RAD21: variants seen among roughly 807,000 people sequenced by gnomAD.
RAD21 encodes the protein double-strand-break repair protein rad21 homolog.
Under a neutral mutation model 71.5 loss-of-function variants are expected in RAD21, and 18 were observed. The observed-to-expected ratio is 0.25, with a 90% CI of 0.17 to 0.37. RAD21 has a LOEUF of 0.37. Among genes scored for constraint, RAD21 ranks in the 10% least tolerant of loss-of-function variants. The pLI, the probability that RAD21 is intolerant of heterozygous loss-of-function variation, is 1.00. For synonymous variants in RAD21, 248 were observed against 254.0 expected (o/e 0.98, Z 0.22); for missense variants, 493 against 769.1 (o/e 0.64, Z 4.25).
chr8:116,857,581 G>A (rs1295314411), intron 5 of RAD21, 108 bp from the exon 6 acceptor site: 1 of 936,250 alleles, frequency 1.1e-6, no homozygotes, highest in Non-Finnish European at 1.6e-6. Flanking sequence ...GCTTACTGAA[G>A]TCTTACTTCA....
At position 116,867,894 on chromosome 8, in the gene RAD21, C is replaced by A. The variant is rs145018858; in HGVS notation, c.-32-1133G>T. On this transcript the variant is annotated intron_variant, in intron 1 of 13. Transcript: ENST00000297338. ...TTCAATGTGTCTACAGACTTTTATA[C>A]CATTTTGTCACATATGCAGATGTGT... 2.3e-3 allele frequency among the ~76,000 whole-genome samples: 344 copies of A among 152,250 alleles called. 1 individual carries two copies. Among genetic ancestry groups the A allele is most frequent in the African/African-American group, 8.0e-3 (333 of 41,528 alleles).
chr8:116,854,223 A>G (rs1177030285), intron 9 of RAD21, 22 bp downstream of exon 9: 10 of 1,558,170 alleles, frequency 6.4e-6, no homozygotes, highest in Non-Finnish European at 8.8e-6. Context: ...ATATGAAGTA[A>G]AAATTCTGCA....
intron 5 of RAD21, among the ~76,000 whole-genome samples, chr8:116,857,998 T>A (rs917452854): frequency 6.6e-6 from 1 of 152,194 alleles, no homozygotes; most frequent in East Asian, 1.9e-4. Flanking sequence ...AAAAACAATA[T>A]GCCTTGCTAA....
chr8:116,863,305 C>A, intron 2 of RAD21, 46 bp from the exon 3 acceptor site: 1 of 1,559,376 alleles, frequency 6.4e-7, no homozygotes, highest in South Asian at 1.2e-5. Context: ...CATTTCGTGC[C>A]ATTCATAGTC....
At chr8:116,867,364 A>G (rs1022029126) in intron 1 of RAD21, among the ~76,000 whole-genome samples, 2 of 152,212 alleles carry the variant, frequency 1.3e-5, no homozygotes, top group Non-Finnish European at 2.9e-5. Context: ...TAACTTAAGA[A>G]CTTACAAAGC....
At chr8:116,848,892 CAATGGCA>C (rs1247555201) in intron 13 of RAD21, 47 bp downstream of exon 13, 6 of 1,446,494 alleles carry the variant, frequency 4.1e-6, no homozygotes, top group Non-Finnish European at 4.7e-6. Flanking sequence ...TTTCAGGGAA[CAATGGCA>C]AAAGCCTTTG....
In RAD21 at chr8:116,861,843, T is replaced by C. The variant is rs2130477230; in HGVS notation, c.372A>G (p.Leu124=). Residue 124 remains leucine, a splice_region_variant and synonymous_variant, in exon 4 of 14, where the codon TTA becomes TTG. Transcript: ENST00000297338. ...FHDFDQPLPD[L]DDIDVAQQFS... is the part of the protein sequence containing the mutation. The stretch of plus-strand genomic sequence containing the variant: ...TTTTTTTAAAAGAAGACACATACTC[T>C]AAGTCAGGCAGTGGCTGATCAAAGT... 1 of 1,605,490 alleles carries C rather than the reference T, an allele frequency of 6.2e-7. No individual in the cohort carries two copies. Among genetic ancestry groups the C allele is most frequent in the South Asian group, 1.1e-5 (1 of 90,904 alleles).
At chr8:116,870,079 A>C (rs1484043470) in intron 1 of RAD21, among the ~76,000 whole-genome samples, 1 of 152,212 alleles carries the variant, frequency 6.6e-6, no homozygotes, top group Admixed American at 6.5e-5. Flanking sequence ...CCATCACTTA[A>C]GAGTAAAGAG....
intron 4 of RAD21, 103 bp from the exon 5 acceptor site, chr8:116,858,561 CCCA>C: frequency 1.2e-6 from 1 of 811,600 alleles, no homozygotes; most frequent in Non-Finnish European, 1.9e-6. Flanking sequence ...ATATGTATAA[CCCA>C]CCAAGTTTTA....
intron 6 of RAD21, 106 bp downstream of exon 6, chr8:116,857,160 AT>A: frequency 1.1e-6 from 1 of 915,828 alleles, no homozygotes; most frequent in Non-Finnish European, 1.7e-6. Context: ...ATTCACTCAT[AT>A]ATATCTAAAA....
In RAD21 at chr8:116,846,029, C is replaced by T. The variant is rs1812247602; in HGVS notation, c.*1471G>A. 2 of 230,602 alleles carry T rather than the reference C, an allele frequency of 8.7e-6. No homozygotes were observed. Among genetic ancestry groups the T allele is most frequent in the Non-Finnish European group, 1.7e-5 (2 of 116,286 alleles). The allele number at this position is 230,602 out of a possible 1,614,324, so 14.3% of individuals were successfully genotyped here. Reference sequence around the variant, plus strand: ...ATTAAACCCGATAAGCAACAAAAACCAGACTAACAAAATGTGTAACAAGAA... The same window carrying T: ...ATTAAACCCGATAAGCAACAAAAACTAGACTAACAAAATGTGTAACAAGAA... On this transcript the variant is annotated 3_prime_UTR_variant, in exon 14 of 14. Coordinates refer to ENST00000297338, the MANE Select transcript of RAD21 (RefSeq NM_006265.3).
At chr8:116,873,145 C>G (rs1431899958) in intron 1 of RAD21, among the ~76,000 whole-genome samples, 1 of 152,192 alleles carries the variant, frequency 6.6e-6, no homozygotes, top group Non-Finnish European at 1.5e-5. Flanking sequence ...ACTAAAAACA[C>G]AACCTTATTT....
rs1425770330 is a variant in RAD21 at position 116,845,947 on chromosome 8, A to G, written c.*1553T>C. On this transcript the variant is annotated 3_prime_UTR_variant, in exon 14 of 14. Transcript: ENST00000297338. ...TACTCAAAAAAGTACAGCTTATAACACAACTTTTATTAGAAAAGTTATACA... is the reference window on the plus strand; with the variant it reads ...TACTCAAAAAAGTACAGCTTATAACGCAACTTTTATTAGAAAAGTTATACA... The G allele has an allele frequency of 4.5e-6, 1 of 223,706 alleles. No homozygotes were observed. Among genetic ancestry groups the G allele is most frequent in the African/African-American group, 2.2e-5 (1 of 44,806 alleles). 13.9% of individuals were successfully genotyped at this position (223,706 alleles called of 1,614,324 possible).
At chr8:116,862,009 G>A in intron 3 of RAD21, 69 bp from the exon 4 acceptor site, 1 of 1,236,100 alleles carries the variant, frequency 8.1e-7, no homozygotes, top group Non-Finnish European at 1.2e-6. Flanking sequence ...AGGGAGATAA[G>A]TAGGTATAAC....
chr8:116,862,076 C>T (rs1357997790), intron 3 of RAD21, 136 bp from the exon 4 acceptor site: 2 of 588,726 alleles, frequency 3.4e-6, no homozygotes, highest in Non-Finnish European at 5.9e-6. Context: ...TACCTTGAAG[C>T]ACAAGTACTT....
At chr8:116,851,797 T>A in intron 11 of RAD21, 151 bp downstream of exon 11, 1 of 660,432 alleles carries the variant, frequency 1.5e-6, no homozygotes, top group Non-Finnish European at 2.4e-6. Flanking sequence ...CCGAGTGGAC[T>A]GTCTATATCC....
chr8:116,845,969 TACATA>T lies in RAD21; in HGVS notation c.*1526_*1530del, dbSNP rs1812245188. ...AACACAACTTTTATTAGAAAAGTTA[TACATA>T]ACATAGCATCAACTATTTTCAAGAA... is the stretch of plus-strand genomic sequence containing the variant. On this transcript the variant is annotated 3_prime_UTR_variant, in exon 14 of 14. Transcript: ENST00000297338. 4.4e-6 allele frequency: 1 copy of T among 227,268 alleles called. No homozygotes were observed. The highest frequency in any genetic ancestry group is 8.8e-6 in the Non-Finnish European group (1 of 114,216). 14.1% of individuals were successfully genotyped at this position (227,268 alleles called of 1,614,324 possible).
At position 116,856,884 on chromosome 8, in the gene RAD21, T is replaced by G. The variant is rs1039750096; in HGVS notation, c.689-113A>C. The G allele has an allele frequency of 1.9e-5, 13 of 698,934 alleles. No homozygotes were observed. The African/African-American group carries it at 2.2e-4, about 12-fold the overall frequency. The allele number at this position is 698,934 out of a possible 1,614,324, so 43.3% of individuals were successfully genotyped here. A position where few individuals can be genotyped will look rare whatever the true frequency, so the allele number is the denominator to read the frequency against. ...AAAGGGATAAAATTTAAACGTATAC[T>G]CAACTTTTATCTGTTTCTCCTCCAG... is the stretch of plus-strand genomic sequence containing the variant. On this transcript the variant is annotated intron_variant, in intron 6 of 13. Coordinates refer to ENST00000297338, the MANE Select transcript of RAD21 (RefSeq NM_006265.3).
intron 4 of RAD21, among the ~76,000 whole-genome samples, chr8:116,860,892 T>G (rs1812579294): frequency 6.6e-6 from 1 of 152,138 alleles, no homozygotes; most frequent in African/African-American, 2.4e-5. Context: ...GTTACTTGAT[T>G]TAAAATAATC....
Sources: gnomAD v4.1 joint callset for allele counts (sites outside exome capture counted in the v4.1 genomes callset) on GRCh38, gnomAD v4.1.1 for gene constraint, MANE v1.5 for transcripts, NCBI Gene and HGNC (gene_info 2026-07-23, HGNC 2026-07-21) for gene names.